Variants in IFT57 observed in about 807,000 individuals in gnomAD.
The protein encoded by IFT57 is intraflagellar transport 57.
IFT57 carries 59 observed loss-of-function variants against 56.8 expected under a neutral mutation model. That is an observed-to-expected ratio of 1.04 (90% CI 0.84 to 1.29). IFT57 has a LOEUF of 1.29. Among genes scored for constraint, IFT57 ranks in the 50% most tolerant of loss-of-function variants. The probability of loss-of-function intolerance (pLI) is 0.00; values close to 1 mark genes in which losing one functional copy is unlikely to be tolerated. For synonymous variants in IFT57, 209 were observed against 186.1 expected (o/e 1.12, Z -1.00); for missense variants, 470 against 522.1 (o/e 0.90, Z 0.97).
intron 3 of IFT57, among the ~76,000 whole-genome samples, chr3:108,214,519 T>C (rs1264830187): frequency 2.6e-5 from 4 of 152,176 alleles, no homozygotes; most frequent in Non-Finnish European, 5.9e-5. Context: ...TGTTTTGCTA[T>C]ATACTGCCAA....
chr3:108,180,613 T>C (rs1019634128), intron 6 of IFT57, among the ~76,000 whole-genome samples: 8 of 151,850 alleles, frequency 5.3e-5, no homozygotes, highest in African/African-American at 1.9e-4. Context: ...CCAAGAAACA[T>C]AAATTGTTAC....
At chr3:108,191,223 T>G (rs1416823823) in intron 6 of IFT57, among the ~76,000 whole-genome samples, 1 of 152,218 alleles carries the variant, frequency 6.6e-6, no homozygotes, top group East Asian at 1.9e-4. Context: ...ATGGAATTCC[T>G]ATTCATCTAA....
intron 9 of IFT57, 109 bp downstream of exon 9, chr3:108,165,322 T>G: frequency 1.3e-6 from 1 of 787,134 alleles, no homozygotes; most frequent in South Asian, 1.5e-5. Flanking sequence ...GAAAATGATT[T>G]AAAGGCACAG....
chr3:108,171,951 GCATA>G (rs3053369), intron 6 of IFT57, among the ~76,000 whole-genome samples: 1 of 150,784 alleles, frequency 6.6e-6, no homozygotes, highest in Non-Finnish European at 1.5e-5. Flanking sequence ...TTAGAAAAAT[GCATA>G]CATACATACA....
intron 7 of IFT57, 187 bp from the exon 8 acceptor site, chr3:108,167,172 T>C (rs974263275): frequency 3.7e-6 from 2 of 538,872 alleles, no homozygotes; most frequent in East Asian, 6.3e-5. Context: ...CTTAGAAGAG[T>C]TTTAGAATAA....
intron 5 of IFT57, among the ~76,000 whole-genome samples, chr3:108,192,397 A>C (rs2080221329): frequency 6.6e-6 from 1 of 152,084 alleles, no homozygotes; most frequent in South Asian, 2.1e-4. Flanking sequence ...GAGGGGGCCA[A>C]ATTTCTGCAT....
intron 6 of IFT57, among the ~76,000 whole-genome samples, chr3:108,171,071 T>C (rs1015937751): frequency 1.3e-5 from 2 of 151,924 alleles, no homozygotes; most frequent in African/African-American, 4.8e-5. Flanking sequence ...TACACTATTT[T>C]GTGAGTAAAA....
Position 108,213,018 on chromosome 3 carries a change from T to C in IFT57, c.585+913A>G, listed in dbSNP as rs147974695. 2.5e-3 allele frequency among the ~76,000 whole-genome samples: 376 copies of C among 152,338 alleles called. 4 individuals carry two copies. The highest frequency in any genetic ancestry group is 8.7e-3 in the African/African-American group (362 of 41,584). On this transcript the variant is annotated intron_variant, in intron 4 of 10. Transcript: ENST00000264538. ...GAAGACAGGGAAGATACTTTTATGA[T>C]TATCTACTTCCACTTAATAGTATGT... is the stretch of plus-strand genomic sequence containing the variant.
rs35896793 is a variant in IFT57 at position 108,210,332 on chromosome 3, C to CTTTTTTTTTTTT, written c.585+3587_585+3598dup. ...CAGAACTTTGACTGTCAGAAATAAT[C>CTTTTTTTTTTTT]TTTTTTTTTTTTTTTTTTTGAGACA... On this transcript the variant is annotated intron_variant, in intron 4 of 10. Coordinates refer to ENST00000264538, the MANE Select transcript of IFT57 (RefSeq NM_018010.4). Among the ~76,000 whole-genome samples the CTTTTTTTTTTTT allele has an allele frequency of 1.4e-4, 15 of 107,988 alleles. 1 individual carries two copies. The highest frequency in any genetic ancestry group is 4.6e-4 in the African/African-American group (13 of 28,054). 70.8% of individuals were successfully genotyped at this position (107,988 alleles called of 152,430 possible).
At chr3:108,180,845 C>G (rs184684860) in intron 6 of IFT57, among the ~76,000 whole-genome samples, 2 of 151,954 alleles carry the variant, frequency 1.3e-5, no homozygotes, top group Non-Finnish European at 2.9e-5. Flanking sequence ...TTTTAAAAAA[C>G]AAATCATTCT....
intron 5 of IFT57, among the ~76,000 whole-genome samples, chr3:108,201,527 CAT>C (rs1490273610): frequency 2.0e-5 from 3 of 152,136 alleles, no homozygotes; most frequent in Admixed American, 1.3e-4. Flanking sequence ...CACACTCAAA[CAT>C]GTGGCATTTT....
At chr3:108,166,638 C>G (rs539757746) in intron 8 of IFT57, among the ~76,000 whole-genome samples, 1 of 151,962 alleles carries the variant, frequency 6.6e-6, no homozygotes, top group Non-Finnish European at 1.5e-5. Flanking sequence ...CAAATGAAGA[C>G]GTGCATTTAA....
chr3:108,217,108 C>T (rs985292409), intron 3 of IFT57, among the ~76,000 whole-genome samples: 6 of 151,916 alleles, frequency 3.9e-5, no homozygotes, highest in Non-Finnish European at 8.8e-5. Context: ...AATTTTCTTG[C>T]CACAATAAAA....
At position 108,219,426 on chromosome 3, in the gene IFT57, GATAGT is replaced by G; in HGVS notation, c.354_358del (p.Leu119ArgfsTer29). On this transcript the variant is annotated frameshift_variant, in exon 2 of 11. Transcript: ENST00000264538. LOFTEE classifies it high-confidence loss of function. ...TACACTTACAAATGACCGAAGCTCG[GATAGT>G]ATGTTAGATATTGTTGCATTAGGGT... is the stretch of plus-strand genomic sequence containing the variant. 6.2e-7 allele frequency: 1 copy of G among 1,613,656 alleles called. No individual in the cohort carries two copies. The highest frequency in any genetic ancestry group is 8.5e-7 in the Non-Finnish European group (1 of 1,179,624).
At chr3:108,185,644 C>T (rs1343698460) in intron 6 of IFT57, among the ~76,000 whole-genome samples, 1 of 150,672 alleles carries the variant, frequency 6.6e-6, no homozygotes, top group Non-Finnish European at 1.5e-5. Context: ...TCGCAACCTC[C>T]CCCTCCTGGA....
chr3:108,170,900 G>T (rs9874789), intron 6 of IFT57, among the ~76,000 whole-genome samples: 14,639 of 151,962 alleles, frequency 0.096, 768 homozygotes, highest in Middle Eastern at 0.12. Context: ...AAACAATGGG[G>T]AAAGGATTCC....
chr3:108,196,909 T>C (rs61298639), intron 5 of IFT57, among the ~76,000 whole-genome samples: 2,912 of 152,306 alleles, frequency 0.019, 84 homozygotes, highest in African/African-American at 0.066. Flanking sequence ...ATATATAAAG[T>C]ATAAATCATT....
intron 4 of IFT57, among the ~76,000 whole-genome samples, chr3:108,212,694 ATAGT>A (rs2080349391): frequency 1.3e-5 from 2 of 152,224 alleles, no homozygotes; most frequent in South Asian, 4.1e-4. Context: ...AATCTATTTA[ATAGT>A]TATTTTTCAG....
At chr3:108,173,763 ACT>A (rs2080107111) in intron 6 of IFT57, among the ~76,000 whole-genome samples, 1 of 110,020 alleles carries the variant, frequency 9.1e-6, no homozygotes, top group South Asian at 3.3e-4. Context: ...TAAGTCAGGG[ACT>A]CTGTGTGTGT....
Sources: allele counts gnomAD v4.1 joint callset (sites outside exome capture counted in the v4.1 genomes callset), GRCh38; gene constraint gnomAD v4.1.1; transcripts MANE v1.5; gene names NCBI Gene and HGNC (gene_info 2026-07-23, HGNC 2026-07-21).